The following RPL3 variants were observed in gnomAD, a reference collection of about 807,000 sequenced individuals.
RPL3 encodes ribosomal protein L3.
Under a neutral mutation model 46.0 loss-of-function variants are expected in RPL3, and 3 were observed. The observed-to-expected ratio is 0.07, with a 90% confidence interval of 0.03 to 0.17. The LOEUF is 0.17. RPL3 is among the 10% of genes least tolerant of loss of function. The pLI is 1.00. For synonymous variants in RPL3, 224 were observed against 190.8 expected (o/e 1.17, Z -1.43); for missense variants, 387 against 532.7 (o/e 0.73, Z 2.69).
chr22:39,317,753 G>T, intron 2 of RPL3, 124 bp from the exon 3 acceptor site: 1 of 1,023,048 alleles, frequency 9.8e-7, no homozygotes, highest in Non-Finnish European at 1.5e-6. Flanking sequence ...CTGCAGTACG[G>T]ACTCACAGGG....
At chr22:39,314,353 G>T (rs761672672) in intron 6 of RPL3, 145 bp from the exon 7 acceptor site, 22 of 724,100 alleles carry the variant, frequency 3.0e-5, no homozygotes, top group Non-Finnish European at 4.9e-5. Flanking sequence ...GCAAAAAGCT[G>T]GCTGGCCCTC....
In RPL3 at chr22:39,314,680, C is replaced by A. The variant is rs1160118069; in HGVS notation, c.849+6G>T. ...CACCCCCAGGGAGCCACTCTCAGAA[C>A]CTCACCTTCTTGTTGATCTCAGTGC... On this transcript the variant is annotated splice_donor_region_variant and intron_variant, in intron 6 of 9. Transcript: ENST00000216146. The A allele has an allele frequency of 1.9e-6, 3 of 1,610,920 alleles. No homozygotes were observed. The highest frequency in any genetic ancestry group is 2.5e-6 in the Non-Finnish European group (3 of 1,178,640).
At position 39,313,699 on chromosome 22, in the gene RPL3, T is replaced by C; in HGVS notation, c.982A>G (p.Asn328Asp). ...GGFVHYGEVT[N>D]DFVMLKGCVV... ...CAGCCTTTCAGCATGACAAAGTCAT[T>C]GGTCACTTCACCATAGTGGACAAAG... Residue 328 changes from asparagine to aspartate, a missense_variant, in exon 8 of 10, where the codon AAT (asparagine) becomes GAT (aspartate). By Grantham distance (23) the Asn-to-Asp change is conservative. This residue lies in a region of RPL3 where 131 missense variants were observed against 185.1 expected (regional missense o/e 0.71). Coordinates refer to ENST00000216146, the MANE Select transcript of RPL3 (RefSeq NM_000967.4). 1 of 1,614,100 alleles carries C rather than the reference T, an allele frequency of 6.2e-7. No homozygotes were observed. The highest frequency in any genetic ancestry group is 1.6e-4 in the Middle Eastern group (1 of 6,062).
intron 4 of RPL3, among the ~76,000 whole-genome samples, chr22:39,316,055 C>A (rs975221364): frequency 6.6e-6 from 1 of 152,164 alleles, no homozygotes; most frequent in African/African-American, 2.4e-5. Flanking sequence ...GCCTGACCAA[C>A]ATGGAGAAAC....
intron 2 of RPL3, 191 bp from the exon 3 acceptor site, chr22:39,317,820 T>C (rs1922801119): frequency 3.3e-6 from 2 of 600,326 alleles, no homozygotes; most frequent in Non-Finnish European, 5.8e-6. Context: ...AAACAAAAAA[T>C]ATCAGGACCC....
At chr22:39,316,907 G>T (rs562621883) in intron 3 of RPL3, 66 bp from the exon 4 acceptor site, 1 of 1,611,778 alleles carries the variant, frequency 6.2e-7, no homozygotes, top group Non-Finnish European at 8.5e-7. Flanking sequence ...TCCGAGGGGT[G>T]AGCGGAAGGC....
chr22:39,317,017 CGG>C, intron 3 of RPL3, 176 bp from the exon 4 acceptor site: 3 of 909,352 alleles, frequency 3.3e-6, no homozygotes. Flanking sequence ...CAGAGCCGAG[CGG>C]AGCTGAGCAG....
chr22:39,318,042 C>G (rs1922813112), intron 2 of RPL3: 2 of 349,746 alleles, frequency 5.7e-6, no homozygotes, highest in South Asian at 6.4e-5. Flanking sequence ...GGTAAGTGGC[C>G]ATTATTCAAG....
chr22:39,315,240 A>G, intron 5 of RPL3, 129 bp downstream of exon 5: 1 of 1,296,178 alleles, frequency 7.7e-7, no homozygotes, highest in Middle Eastern at 1.8e-4. Context: ...GGCAGTAGAG[A>G]ATGGTTCTAC....
chr22:39,315,768 G>A (rs1056901209), intron 4 of RPL3, among the ~76,000 whole-genome samples: 6 of 152,210 alleles, frequency 3.9e-5, no homozygotes, highest in Admixed American at 2.0e-4. Context: ...TTACTGTCAG[G>A]ATGAGCGGAC....
chr22:39,315,233 A>G (rs748124577), intron 5 of RPL3, 136 bp downstream of exon 5: 2 of 1,230,646 alleles, frequency 1.6e-6, no homozygotes, highest in Admixed American at 3.4e-5. Flanking sequence ...GAAGGAAGGC[A>G]GTAGAGAATG....
chr22:39,316,741 ACTT>A lies in RPL3; in HGVS notation c.463_465del (p.Lys155del). The A allele has an allele frequency of 1.9e-6, 3 of 1,612,956 alleles. No homozygotes were observed. The highest frequency in any genetic ancestry group is 2.7e-5 in the African/African-American group (2 of 75,032). On this transcript the variant is annotated inframe_deletion, in exon 4 of 10. Transcript: ENST00000216146. ...GCAATGACACGGATGACTTGGCAGT[ACTT>A]CTTCATGCTGCTGAAGTCCTTCTCC...
intron 5 of RPL3, 112 bp downstream of exon 5, chr22:39,315,257 C>A: frequency 7.1e-7 from 1 of 1,411,776 alleles, no homozygotes; most frequent in African/African-American, 1.4e-5. Context: ...CTACACTGTC[C>A]GATTCGGGCG....
At chr22:39,318,632 G>A in intron 1 of RPL3, 40 bp from the exon 2 acceptor site, 1 of 1,525,638 alleles carries the variant, frequency 6.6e-7, no homozygotes, top group Non-Finnish European at 8.9e-7. Context: ...CCAAACCAAA[G>A]CAGTGCCCCC....
chr22:39,313,385 G>A (rs1011458988), intron 8 of RPL3, 75 bp from the exon 9 acceptor site: 2 of 1,585,592 alleles, frequency 1.3e-6, no homozygotes, highest in Non-Finnish European at 1.7e-6. Context: ...CAGCGCCCCT[G>A]CATCTGGGAA....
chr22:39,316,652 A>G (rs1039185105), intron 4 of RPL3, 54 bp downstream of exon 4: 3 of 1,610,030 alleles, frequency 1.9e-6, no homozygotes, highest in Non-Finnish European at 8.5e-7. Flanking sequence ...CCATGATCAC[A>G]TAGGTCACTT....
chr22:39,313,500 C>T (rs1922485005), intron 8 of RPL3, 134 bp downstream of exon 8: 1 of 1,249,038 alleles, frequency 8.0e-7, no homozygotes, highest in South Asian at 1.3e-5. Context: ...CATCTCAGGA[C>T]TTCAAAGCCA....
chr22:39,315,064 T>C, intron 5 of RPL3: 1 of 704,074 alleles, frequency 1.4e-6, no homozygotes, highest in South Asian at 1.8e-5. Flanking sequence ...CATCCATTAG[T>C]TTAAGCTCCC....
At chr22:39,314,551 C>T (rs1922558819) in intron 6 of RPL3, 135 bp downstream of exon 6, 1 of 1,089,312 alleles carries the variant, frequency 9.2e-7, no homozygotes, top group African/African-American at 1.6e-5. Flanking sequence ...CAGAACTGAC[C>T]ATGAGAAGCA....
Sources: gnomAD v4.1 joint callset for allele counts (sites outside exome capture counted in the v4.1 genomes callset) on GRCh38, gnomAD v4.1.1 for gene constraint, gnomAD v4.1.1 regional missense constraint, MANE v1.5 for transcripts, NCBI Gene and HGNC (gene_info 2026-07-23, HGNC 2026-07-21) for gene names.